SLC14A2: variants seen among roughly 807,000 people sequenced by gnomAD.
The protein encoded by SLC14A2 is solute carrier family 14 member 2.
Under a neutral mutation model 104.6 loss-of-function variants are expected in SLC14A2, and 91 were observed. The ratio of observed to expected loss-of-function variants is 0.87; its 90% CI spans 0.73 to 1.04. The LOEUF (loss-of-function observed/expected upper bound fraction) is 1.04. Ranked by LOEUF, SLC14A2 falls within the 50% of genes least tolerant of loss-of-function variation. SLC14A2 has a pLI of 0.00. For missense variants in SLC14A2, 1,189 were observed against 1,156.0 expected (o/e 1.03, Z -0.41); for synonymous variants, 476 against 466.4 (o/e 1.02, Z -0.27).
chr18:45,668,068 C>T (rs747512329), intron 14 of SLC14A2, 46 bp downstream of exon 14: 107 of 1,559,858 alleles, frequency 6.9e-5, no homozygotes, highest in Non-Finnish European at 8.9e-5. Context: ...CAAGAAGTCA[C>T]TCCCCATGGG....
At chr18:45,548,988 G>A (rs1000978392) in intron 2 of SLC14A2, among the ~76,000 whole-genome samples, 2 of 152,218 alleles carry the variant, frequency 1.3e-5, no homozygotes, top group Admixed American at 6.5e-5. Context: ...AGGGACCCCA[G>A]AGAGTAGACC....
At chr18:45,343,599 A>G (rs73429970) in intron 1 of SLC14A2, among the ~76,000 whole-genome samples, 196 of 152,122 alleles carry the variant, frequency 1.3e-3, no homozygotes, top group African/African-American at 4.5e-3. Flanking sequence ...CAGTTTCTCA[A>G]TTTTCATGGC....
At chr18:45,530,636 G>A (rs1367944408) in intron 2 of SLC14A2, among the ~76,000 whole-genome samples, 1 of 152,002 alleles carries the variant, frequency 6.6e-6, no homozygotes, top group Admixed American at 6.6e-5. Flanking sequence ...CTGCTTGAGA[G>A]CCTAAGAAGA....
In SLC14A2 at chr18:45,294,398, A is replaced by G. The variant is rs57551332; in HGVS notation, c.-125+81207A>G. On this transcript the variant is annotated intron_variant, in intron 1 of 20. Coordinates refer to the SLC14A2 transcript ENST00000586448. ...TCCTTTGTCAATTTAAGGTGTGAAT[A>G]TTAGCTAGTATTAATGTTAGATTAC... Among the ~76,000 whole-genome samples, 1,230 of 152,296 alleles carry G rather than the reference A, an allele frequency of 8.1e-3. 15 individuals are homozygous for G. The highest frequency in any genetic ancestry group is 0.028 in the African/African-American group (1,163 of 41,570).
At chr18:45,272,553 T>G (rs1322897528) in intron 1 of SLC14A2, among the ~76,000 whole-genome samples, 1 of 151,996 alleles carries the variant, frequency 6.6e-6, no homozygotes, top group Non-Finnish European at 1.5e-5. Context: ...TTAGTAGTAG[T>G]ACCCTTCTAG....
chr18:45,625,196 G>A (rs2045239272), intron 2 of SLC14A2, among the ~76,000 whole-genome samples: 1 of 152,150 alleles, frequency 6.6e-6, no homozygotes, highest in African/African-American at 2.4e-5. Flanking sequence ...AGTAGAGAGG[G>A]ACTCAAGACT....
At chr18:45,425,112 G>T (rs1338761967) in intron 1 of SLC14A2, among the ~76,000 whole-genome samples, 1 of 152,114 alleles carries the variant, frequency 6.6e-6, no homozygotes, top group Non-Finnish European at 1.5e-5. Flanking sequence ...TTCCCTTTAG[G>T]AGTTGAGATT....
chr18:45,385,527 T>C (rs953665179), intron 1 of SLC14A2, among the ~76,000 whole-genome samples: 1 of 152,076 alleles, frequency 6.6e-6, no homozygotes, highest in South Asian at 2.1e-4. Context: ...GAAAACACAA[T>C]AGAGGGAGAG....
chr18:45,458,412 C>T (rs767249960), intron 1 of SLC14A2, among the ~76,000 whole-genome samples: 2 of 152,168 alleles, frequency 1.3e-5, no homozygotes, highest in East Asian at 3.9e-4. Flanking sequence ...TGGCCTACAG[C>T]TATTTGGCAG....
intron 1 of SLC14A2, chr18:45,482,523 A>T (rs1356605481): frequency 2.0e-5 from 3 of 152,074 alleles, no homozygotes; most frequent in African/African-American, 7.2e-5. Flanking sequence ...GAGAGGATTC[A>T]CTCTCAAGTT....
chr18:45,409,332 G>A (rs550361144), intron 1 of SLC14A2, among the ~76,000 whole-genome samples: 3 of 152,252 alleles, frequency 2.0e-5, no homozygotes, highest in East Asian at 3.9e-4. Flanking sequence ...TTCACCCTGG[G>A]CCACTGAAAA....
intron 2 of SLC14A2, among the ~76,000 whole-genome samples, chr18:45,594,868 G>A (rs902196271): frequency 3.9e-5 from 6 of 152,048 alleles, no homozygotes; most frequent in Non-Finnish European, 8.8e-5. Context: ...CCCAGCAGCC[G>A]TCACACCCTG....
chr18:45,384,486 T>C (rs2144391957), intron 1 of SLC14A2, among the ~76,000 whole-genome samples: 1 of 152,328 alleles, frequency 6.6e-6, no homozygotes, highest in Non-Finnish European at 1.5e-5. Flanking sequence ...AGGGAAATAT[T>C]TCTCAATTTC....
chr18:45,668,403 G>A lies in SLC14A2; in HGVS notation c.1962G>A (p.Leu654=). The A allele has an allele frequency of 1.9e-6, 3 of 1,614,180 alleles. No individual in the cohort carries two copies. The highest frequency in any genetic ancestry group is 2.5e-6 in the Non-Finnish European group (3 of 1,180,016). The change falls in exon 15 of 20, where the codon CTG becomes CTA. Residue 654 remains leucine, a synonymous_variant. Coordinates refer to ENST00000255226, the MANE Select transcript of SLC14A2 (RefSeq NM_007163.4). ...ACAATGGGGTGCTGGTGGGGCTGCT[G>A]ATGGCCGTGTTCTCAGACAAAGGTG... ...HGYNGVLVGL[L]MAVFSDKGDY...
chr18:45,315,000 G>A (rs151328283), intron 1 of SLC14A2, among the ~76,000 whole-genome samples: 9 of 152,302 alleles, frequency 5.9e-5, no homozygotes, highest in South Asian at 2.1e-4. Flanking sequence ...ATGTGGCTTC[G>A]AGTTTGAGAG....
intron 2 of SLC14A2, among the ~76,000 whole-genome samples, chr18:45,579,371 G>C (rs1013522542): frequency 2.6e-5 from 4 of 152,202 alleles, no homozygotes. Flanking sequence ...ACAACTTCAT[G>C]CAAGGGATAA....
In SLC14A2 at chr18:45,550,597, C is replaced by T. The variant is rs143380366; in HGVS notation, c.-35+67275C>T. On this transcript the variant is annotated intron_variant, in intron 2 of 20. Transcript: ENST00000586448. ...TAAATGAATGGCTCAATCACCATTACCACCTTCATTTTATCAGAGTCATTT... is the reference window on the plus strand; with the variant it reads ...TAAATGAATGGCTCAATCACCATTATCACCTTCATTTTATCAGAGTCATTT... Among the ~76,000 whole-genome samples the T allele has an allele frequency of 3.1e-4, 47 of 150,790 alleles. 1 individual carries two copies. Among genetic ancestry groups the T allele is most frequent in the African/African-American group, 1.1e-3 (45 of 41,436 alleles).
chr18:45,663,758 G>T, intron 10 of SLC14A2, 27 bp from the exon 11 acceptor site: 1 of 1,608,612 alleles, frequency 6.2e-7, no homozygotes, highest in South Asian at 1.1e-5. Flanking sequence ...GTGGGACACT[G>T]ACCTGTCTTG....
intron 1 of SLC14A2, among the ~76,000 whole-genome samples, chr18:45,619,659 T>C (rs1047692736): frequency 6.6e-6 from 1 of 152,126 alleles, no homozygotes; most frequent in South Asian, 2.1e-4. Context: ...TTTAATGGAC[T>C]GGCGCTGAGC....
Sources: gnomAD v4.1 joint callset for allele counts (sites outside exome capture counted in the v4.1 genomes callset) on GRCh38, gnomAD v4.1.1 for gene constraint, MANE v1.5 for transcripts, NCBI Gene and HGNC (gene_info 2026-07-23, HGNC 2026-07-21) for gene names.